The following SEMA3D variants were observed in gnomAD, a reference collection of about 807,000 sequenced individuals.
SEMA3D encodes the protein semaphorin 3D.
SEMA3D carries 84 observed loss-of-function variants against 100.1 expected under a neutral mutation model. The observed-to-expected ratio is 0.84, with a 90% CI of 0.70 to 1.01. SEMA3D has a LOEUF of 1.01. SEMA3D is among the 50% of genes least tolerant of loss of function. SEMA3D has a pLI of 0.00. For missense variants in SEMA3D, 875 were observed against 934.1 expected, an observed-to-expected ratio of 0.94 and a Z score of 0.82; for synonymous variants, 312 against 320.7, an observed-to-expected ratio of 0.97 and a Z score of 0.29.
chr7:85,215,259 A>G, the SEMA3D span, among the ~76,000 whole-genome samples: 1 of 152,066 alleles, frequency 6.6e-6, no homozygotes, highest in African/African-American at 2.4e-5. Flanking sequence ...AGGGCTTGAA[A>G]AGTAAATTTC....
intron 8 of SEMA3D, among the ~76,000 whole-genome samples, chr7:85,064,406 T>C (rs1249306735): frequency 6.6e-6 from 1 of 152,206 alleles, no homozygotes; most frequent in Non-Finnish European, 1.5e-5. Flanking sequence ...TGTTTTCCCT[T>C]TTAAGACTAC....
chr7:85,096,329 T>C (rs1241250488), intron 4 of SEMA3D, among the ~76,000 whole-genome samples: 1 of 151,930 alleles, frequency 6.6e-6, no homozygotes, highest in Non-Finnish European at 1.5e-5. Flanking sequence ...TAATTTTAGA[T>C]TAGAATGGAG....
rs143461973 is a variant in SEMA3D, at chr7:85,018,272, T to C, written c.1525A>G (p.Met509Val). ...AGTACCTGCTTCAGAGACAATTCCA[T>C]GTTCAAGATGATTGATGAGTGCTGA... is the stretch of plus-strand genomic sequence containing the variant. ...IFKHSSIILN[M>V]ELSLKQQQLY... Residue 509 changes from methionine to valine, a missense_variant, in exon 15 of 19, where the codon ATG (methionine) becomes GTG (valine). By Grantham distance (21) the Met-to-Val change is conservative (BLOSUM62 1). Transcript: ENST00000284136. The C allele has an allele frequency of 2.5e-6, 4 of 1,596,348 alleles. No individual in the cohort carries two copies. The highest frequency in any genetic ancestry group is 2.7e-5 in the African/African-American group (2 of 74,394).
intron 2 of SEMA3D, among the ~76,000 whole-genome samples, chr7:85,137,769 T>C (rs1228075974): frequency 6.6e-6 from 1 of 152,160 alleles, no homozygotes; most frequent in Non-Finnish European, 1.5e-5. Context: ...ATTACTTTCC[T>C]TATTCCTCAA....
upstream of SEMA3D, among the ~76,000 whole-genome samples, chr7:85,188,337 C>A (rs1189359423): frequency 6.6e-6 from 1 of 152,108 alleles, no homozygotes; most frequent in African/African-American, 2.4e-5. Flanking sequence ...GACTCACAAC[C>A]AATCAACCCC....
chr7:85,222,896 C>T, the SEMA3D span, among the ~76,000 whole-genome samples: 2 of 151,998 alleles, frequency 1.3e-5, no homozygotes, highest in African/African-American at 4.8e-5. Flanking sequence ...TTTTCGCAAA[C>T]CATGCATCGG....
At chr7:85,222,397 ACT>A in the SEMA3D span, among the ~76,000 whole-genome samples, 1 of 152,136 alleles carries the variant, frequency 6.6e-6, no homozygotes, top group Non-Finnish European at 1.5e-5. Flanking sequence ...ACTATAAAAC[ACT>A]ATACATATAT....
At chr7:85,212,876 G>A in the SEMA3D span, among the ~76,000 whole-genome samples, 10 of 151,854 alleles carry the variant, frequency 6.6e-5, no homozygotes, top group Non-Finnish European at 1.5e-4. Context: ...TCTGCTAAAC[G>A]AAACTTCATG....
At chr7:85,194,927 T>C in the SEMA3D span, among the ~76,000 whole-genome samples, 1 of 152,138 alleles carries the variant, frequency 6.6e-6, no homozygotes, top group Non-Finnish European at 1.5e-5. Flanking sequence ...TCCACCCATA[T>C]GATCTATTTT....
At chr7:85,093,132 A>G (rs541409891) in intron 4 of SEMA3D, among the ~76,000 whole-genome samples, 1 of 152,152 alleles carries the variant, frequency 6.6e-6, no homozygotes, top group African/African-American at 2.4e-5. Flanking sequence ...TAAATTGAAA[A>G]AGAAAAAATC....
rs756437265 is a variant in SEMA3D, at chr7:85,042,226, T to C, written c.921A>G (p.Arg307=). 1.2e-6 allele frequency: 2 copies of C among 1,613,730 alleles called. No homozygotes were observed. The highest frequency in any genetic ancestry group is 1.7e-6 in the Non-Finnish European group (2 of 1,179,736). Reference sequence around the variant, plus strand: ...CACTTCCAGGAATTGAGCAAATCAGTCTGGCCTTAAGAAAAGTCGTCCACT... The same window carrying C: ...CACTTCCAGGAATTGAGCAAATCAGCCTGGCCTTAAGAAAAGTCGTCCACT... ...INKWTTFLKA[R]LICSIPGSDG... The change falls in exon 10 of 19, where the codon AGA becomes AGG. Residue 307 remains arginine (R), a synonymous_variant. Transcript: ENST00000284136.
intron 12 of SEMA3D, among the ~76,000 whole-genome samples, chr7:85,023,224 T>C (rs1421952702): frequency 6.6e-6 from 1 of 151,950 alleles, no homozygotes; most frequent in Non-Finnish European, 1.5e-5. Context: ...AATTGCCTTA[T>C]GTGCCTTTCA....
chr7:85,243,371 C>T, the SEMA3D span, among the ~76,000 whole-genome samples: 1 of 152,052 alleles, frequency 6.6e-6, no homozygotes, highest in African/African-American at 2.4e-5. Context: ...GAGTTTTTCT[C>T]TCACATATTT....
At chr7:85,193,055 C>T in the SEMA3D span, among the ~76,000 whole-genome samples, 1 of 152,120 alleles carries the variant, frequency 6.6e-6, no homozygotes, top group African/African-American at 2.4e-5. Context: ...GCGGCCAGCA[C>T]TTCATCCCAA....
At chr7:85,023,752 C>T (rs1435611137) in intron 12 of SEMA3D, among the ~76,000 whole-genome samples, 1 of 151,768 alleles carries the variant, frequency 6.6e-6, no homozygotes, top group Non-Finnish European at 1.5e-5. Context: ...TAGAACTAGT[C>T]CCAATATTTG....
intron 9 of SEMA3D, among the ~76,000 whole-genome samples, chr7:85,044,430 A>G: frequency 6.6e-6 from 1 of 152,138 alleles, no homozygotes. Flanking sequence ...TGTAAAACTC[A>G]GGAATAATTA....
intron 1 of SEMA3D, among the ~76,000 whole-genome samples, chr7:85,178,040 C>A (rs1395769022): frequency 6.6e-6 from 1 of 152,168 alleles, no homozygotes; most frequent in East Asian, 1.9e-4. Context: ...TCCCCCACTT[C>A]TCTCTGCACT....
intron 18 of SEMA3D, among the ~76,000 whole-genome samples, chr7:85,005,557 T>G (rs367947334): frequency 6.6e-6 from 1 of 152,190 alleles, no homozygotes; most frequent in Non-Finnish European, 1.5e-5. Flanking sequence ...ATGAAGAGAA[T>G]TATATTAAAT....
At chr7:85,090,923 A>G (rs2116280659) in intron 4 of SEMA3D, among the ~76,000 whole-genome samples, 1 of 152,222 alleles carries the variant, frequency 6.6e-6, no homozygotes, top group East Asian at 1.9e-4. Context: ...TTTTCACAAT[A>G]TAAATGCTCA....
Sources: gnomAD v4.1 joint callset for allele counts (sites outside exome capture counted in the v4.1 genomes callset) on GRCh38, gnomAD v4.1.1 for gene constraint, MANE v1.5 for transcripts, NCBI Gene and HGNC (gene_info 2026-07-23, HGNC 2026-07-21) for gene names.